GCNT1: variants seen among roughly 807,000 people sequenced by gnomAD.
GCNT1 encodes the protein glucosaminyl (N-acetyl) transferase 1.
Under a neutral mutation model 26.2 loss-of-function variants are expected in GCNT1, and 16 were observed. That is an observed-to-expected ratio of 0.61 (90% CI 0.41 to 0.93). The LOEUF (loss-of-function observed/expected upper bound fraction) is 0.93. Ranked by LOEUF, GCNT1 falls within the 40% of genes least tolerant of loss-of-function variation. GCNT1 has a pLI of 0.00. For synonymous variants in GCNT1, 183 were observed against 190.8 expected (o/e 0.96, Z 0.34); for missense variants, 477 against 526.7 (o/e 0.91, Z 0.92).
intron 2 of GCNT1, among the ~76,000 whole-genome samples, chr9:76,496,111 A>G (rs1009940740): frequency 2.0e-5 from 3 of 152,222 alleles, no homozygotes; most frequent in Non-Finnish European, 4.4e-5. Context: ...GGAGAAGGCT[A>G]TTCACTGTGC....
the GCNT1 span, chr9:76,398,888 G>A: frequency 1.3e-6 from 2 of 1,533,238 alleles, no homozygotes; most frequent in African/African-American, 2.7e-5. Context: ...GGCAGCTAGT[G>A]CTATTGTTGC....
At chr9:76,437,027 CA>C, upstream of GCNT1, among the ~76,000 whole-genome samples, 1 of 152,018 alleles carries the variant, frequency 6.6e-6, no homozygotes, top group South Asian at 2.1e-4. Flanking sequence ...TTAACGGGTG[CA>C]GCACACCAAC....
At chr9:76,490,579 T>C (rs1824705552) in intron 2 of GCNT1, among the ~76,000 whole-genome samples, 1 of 152,244 alleles carries the variant, frequency 6.6e-6, no homozygotes, top group Admixed American at 6.5e-5. Flanking sequence ...ACTTTACTTT[T>C]GTTGAAAATC....
intron 2 of GCNT1, among the ~76,000 whole-genome samples, chr9:76,465,326 A>C (rs539230060): frequency 6.8e-4 from 104 of 151,930 alleles, no homozygotes; most frequent in Non-Finnish European, 1.2e-3. Flanking sequence ...GTTTCAGCAT[A>C]TTGGCCAGGC....
upstream of GCNT1, among the ~76,000 whole-genome samples, chr9:76,440,782 C>T (rs1390370811): frequency 6.6e-6 from 1 of 152,042 alleles, no homozygotes; most frequent in African/African-American, 2.4e-5. Flanking sequence ...AATGCCTATG[C>T]CTGCCGGGTG....
chr9:76,407,317 T>C, the GCNT1 span, among the ~76,000 whole-genome samples: 25 of 151,432 alleles, frequency 1.7e-4, no homozygotes, highest in Middle Eastern at 3.4e-3. Context: ...TCTAGATTCT[T>C]TTTTTTTTCC....
At chr9:76,397,769 A>T in the GCNT1 span, among the ~76,000 whole-genome samples, 2 of 152,162 alleles carry the variant, frequency 1.3e-5, no homozygotes, top group Non-Finnish European at 2.9e-5. Context: ...CTCCCCTCTG[A>T]CTGAAGAATA....
At chr9:76,420,944 G>GAAAA (rs35205492) in intron 1 of GCNT1, among the ~76,000 whole-genome samples, 1 of 123,128 alleles carries the variant, frequency 8.1e-6, no homozygotes, top group Non-Finnish European at 1.6e-5. Context: ...ATCTCAAAAG[G>GAAAA]AAAAAAAAAA....
intron 1 of GCNT1, among the ~76,000 whole-genome samples, chr9:76,428,571 C>T (rs917993112): frequency 2.0e-5 from 3 of 152,016 alleles, no homozygotes; most frequent in African/African-American, 7.2e-5. Context: ...TTGTGCCCCT[C>T]CCCAATGGTA....
chr9:76,503,315 G>A lies in GCNT1; in HGVS notation c.934G>A (p.Ala312Thr). The change falls in exon 4 of 4, where the codon GCA (alanine) becomes ACA (threonine). Residue 312 changes from alanine (A) to threonine (T), a missense_variant. Transcript: ENST00000376730. ...NEKIQKLMEW[A>T]QDTYSPDEYL... ...AAAAATCCAAAAGTTGATGGAGTGGGCACAAGACACATACAGCCCTGATGA... is the reference window on the plus strand; with the variant it reads ...AAAAATCCAAAAGTTGATGGAGTGGACACAAGACACATACAGCCCTGATGA... The A allele has an allele frequency of 6.2e-7, 1 of 1,614,056 alleles. No homozygotes were observed. Among genetic ancestry groups the A allele is most frequent in the Non-Finnish European group, 8.5e-7 (1 of 1,179,966 alleles).
chr9:76,420,315 C>T (rs1049380994), intron 1 of GCNT1: 1 of 152,200 alleles, frequency 6.6e-6, no homozygotes, highest in Admixed American at 6.6e-5. Flanking sequence ...TGCTCTGTCA[C>T]CCAAGCTGGA....
the GCNT1 span, among the ~76,000 whole-genome samples, chr9:76,397,174 C>T: frequency 0.91 from 138,818 of 152,232 alleles, 63,549 homozygotes; most frequent in East Asian, 1. Context: ...CCCAGCTACT[C>T]GGGAGACTGG....
upstream of GCNT1, among the ~76,000 whole-genome samples, chr9:76,440,987 C>T (rs774325264): frequency 3.3e-5 from 5 of 149,768 alleles, no homozygotes; most frequent in Non-Finnish European, 3.0e-5. Flanking sequence ...ATTGCTTGAA[C>T]CCGGGAGGCG....
At chr9:76,490,156 C>T (rs1282452880) in intron 2 of GCNT1, among the ~76,000 whole-genome samples, 2 of 152,158 alleles carry the variant, frequency 1.3e-5, no homozygotes, top group African/African-American at 4.8e-5. Context: ...CCTCTAAGTG[C>T]CGGGCAGCAT....
upstream of GCNT1, among the ~76,000 whole-genome samples, chr9:76,417,624 A>G (rs1411769980): frequency 6.6e-6 from 1 of 152,238 alleles, no homozygotes; most frequent in Non-Finnish European, 1.5e-5. Context: ...TATTCTCCCA[A>G]CAGGAAACTC....
chr9:76,449,753 A>G (rs1001652856), intron 1 of GCNT1, among the ~76,000 whole-genome samples: 5 of 152,118 alleles, frequency 3.3e-5, no homozygotes, highest in African/African-American at 7.2e-5. Context: ...AAGCTTACAT[A>G]TGCAAACAAA....
At chr9:76,393,953 G>C in the GCNT1 span, 10 of 750,784 alleles carry the variant, frequency 1.3e-5, no homozygotes, top group Non-Finnish European at 1.9e-5. Context: ...CACAGACAAG[G>C]GGATGCGGGA....
intron 1 of GCNT1, among the ~76,000 whole-genome samples, chr9:76,433,489 C>T: frequency 6.6e-6 from 1 of 152,192 alleles, no homozygotes; most frequent in Non-Finnish European, 1.5e-5. Flanking sequence ...GAGTCACTTG[C>T]CACATGCCTG....
At chr9:76,500,673 G>A (rs1473801632) in intron 2 of GCNT1, among the ~76,000 whole-genome samples, 1 of 152,132 alleles carries the variant, frequency 6.6e-6, no homozygotes, top group African/African-American at 2.4e-5. Flanking sequence ...TGCTGCTAGA[G>A]TTTTCTTTCA....
Sources: allele counts gnomAD v4.1 joint callset (sites outside exome capture counted in the v4.1 genomes callset), GRCh38; gene constraint gnomAD v4.1.1; transcripts MANE v1.5; gene names NCBI Gene and HGNC (gene_info 2026-07-23, HGNC 2026-07-21).